ALG9: variants seen among roughly 807,000 people sequenced by gnomAD.
ALG9 encodes alpha-1,2-mannosyltransferase ALG9.
Under a neutral mutation model 81.8 loss-of-function variants are expected in ALG9, and 55 were observed. The observed-to-expected ratio is 0.67, with a 90% CI of 0.54 to 0.84. ALG9 has a LOEUF of 0.84. ALG9 is among the 40% of genes least tolerant of loss of function. The pLI is 0.00. For synonymous variants in ALG9, 278 were observed against 274.3 expected (o/e 1.01, Z -0.13); for missense variants, 629 against 745.0 (o/e 0.84, Z 1.81).
Position 111,792,380 on chromosome 11 carries a change from C to G in ALG9, c.1734-5860G>C, listed in dbSNP as rs558929004. 8.5e-5 allele frequency among the ~76,000 whole-genome samples: 13 copies of G among 152,328 alleles called. 1 individual carries two copies. Among genetic ancestry groups the G allele is most frequent in the Admixed American group, 8.5e-4 (13 of 15,302 alleles). On this transcript the variant is annotated intron_variant, in intron 14 of 14. Coordinates refer to ENST00000616540, the MANE Select transcript of ALG9 (RefSeq NM_024740.2). Reference sequence around the variant, plus strand: ...GGATGAATGGATGGACTGCTGAAGACAGCGAGAGAGGGATATCACACATAT... The same window carrying G: ...GGATGAATGGATGGACTGCTGAAGAGAGCGAGAGAGGGATATCACACATAT...
At chr11:111,799,113 C>T (rs1948724780) in intron 14 of ALG9, among the ~76,000 whole-genome samples, 1 of 152,148 alleles carries the variant, frequency 6.6e-6, no homozygotes, top group Non-Finnish European at 1.5e-5. Flanking sequence ...GTTGCAACTC[C>T]CTGAAGTGGA....
intron 13 of ALG9, among the ~76,000 whole-genome samples, chr11:111,827,757 A>C (rs1953613031): frequency 6.6e-6 from 1 of 151,010 alleles, no homozygotes. Flanking sequence ...AATCCCAGCT[A>C]CTCGGTAGCT....
At chr11:111,851,504 GAGATTCATCA>G (rs1957828627) in intron 8 of ALG9, among the ~76,000 whole-genome samples, 5 of 149,548 alleles carry the variant, frequency 3.3e-5, no homozygotes, top group Non-Finnish European at 5.9e-5. Context: ...AAGAGAGAGA[GAGATTCATCA>G]ATCCAGAGGG....
intron 4 of ALG9, among the ~76,000 whole-genome samples, chr11:111,862,636 G>A (rs1960721765): frequency 6.6e-6 from 1 of 150,624 alleles, no homozygotes; most frequent in Admixed American, 6.6e-5. Context: ...CAATTTACTA[G>A]TTTACTCATC....
intron 14 of ALG9, among the ~76,000 whole-genome samples, chr11:111,794,441 C>T (rs1361840508): frequency 2.0e-5 from 3 of 152,052 alleles, no homozygotes; most frequent in Non-Finnish European, 4.4e-5. Context: ...TGCCACCACA[C>T]CCAGCTAATT....
Position 111,784,065 on chromosome 11 carries a change from G to A in ALG9, c.*2332C>T, listed in dbSNP as rs191957403. The A allele has an allele frequency of 1.3e-4, 20 of 152,338 alleles. No homozygotes were observed. The highest frequency in any genetic ancestry group is 4.6e-4 in the African/African-American group (19 of 41,596). 9.4% of individuals were successfully genotyped at this position (152,338 alleles called of 1,614,324 possible). On this transcript the variant is annotated 3_prime_UTR_variant, in exon 15 of 15. Transcript: ENST00000616540. ...GGAAACATAGAGGGCCTTAGCTACT[G>A]TGAAGAACAGCACATTATTACTGCA... is the stretch of plus-strand genomic sequence containing the variant.
At chr11:111,820,522 G>A (rs1592049253) in intron 13 of ALG9, among the ~76,000 whole-genome samples, 2 of 152,188 alleles carry the variant, frequency 1.3e-5, no homozygotes, top group African/African-American at 4.8e-5. Context: ...GAGGGCAGAT[G>A]TCCCATGACC....
intron 8 of ALG9, among the ~76,000 whole-genome samples, chr11:111,852,960 T>A (rs868909970): frequency 0.013 from 1,620 of 122,656 alleles, 39 homozygotes; most frequent in African/African-American, 0.05. Context: ...AAAAAAAAAA[T>A]GTCTGGGGTA....
At chr11:111,837,686 A>C in intron 11 of ALG9, 71 bp from the exon 12 acceptor site, 1 of 1,538,984 alleles carries the variant, frequency 6.5e-7, no homozygotes, top group Non-Finnish European at 8.9e-7. Context: ...TATACTGCTC[A>C]TTAATGTCGC....
downstream of ALG9, among the ~76,000 whole-genome samples, chr11:111,780,292 C>T (rs181905920): frequency 6.6e-3 from 998 of 152,146 alleles, 7 homozygotes; most frequent in Middle Eastern, 0.054. Flanking sequence ...TAAAGAAGCA[C>T]TTGTATTTCA....
chr11:111,830,330 G>C (rs1954127929), intron 13 of ALG9, among the ~76,000 whole-genome samples: 1 of 152,182 alleles, frequency 6.6e-6, no homozygotes, highest in African/African-American at 2.4e-5. Flanking sequence ...TTGTCCTCCA[G>C]AGCCACAGAC....
Position 111,831,850 on chromosome 11 carries a change from A to C in ALG9, c.1602+4315T>G, listed in dbSNP as rs539613624. ...CTGATATACAGTCAATTCTGTTCTA[A>C]TACTAGTTTCAAAAATGCAAATTTT... On this transcript the variant is annotated intron_variant, in intron 13 of 14. Coordinates refer to ENST00000616540, the MANE Select transcript of ALG9 (RefSeq NM_024740.2). Among the ~76,000 whole-genome samples, 9 of 152,374 alleles carry C rather than the reference A, an allele frequency of 5.9e-5. No individual in the cohort carries two copies. In the East Asian group the frequency reaches 1.7e-3, roughly 29 times the overall value.
chr11:111,864,063 A>G (rs963818659), intron 4 of ALG9, among the ~76,000 whole-genome samples: 3 of 152,226 alleles, frequency 2.0e-5, no homozygotes, highest in African/African-American at 4.8e-5. Context: ...GGGTGCATCA[A>G]AATCTCAGAA....
chr11:111,833,848 C>A (rs1206011548), intron 13 of ALG9, among the ~76,000 whole-genome samples: 4 of 152,198 alleles, frequency 2.6e-5, no homozygotes, highest in Non-Finnish European at 4.4e-5. Flanking sequence ...CACTGTCTGA[C>A]AGCAGAGAAT....
At chr11:111,835,666 T>G (rs782009543) in intron 13 of ALG9, among the ~76,000 whole-genome samples, 1 of 152,212 alleles carries the variant, frequency 6.6e-6, no homozygotes, top group East Asian at 1.9e-4. Context: ...ACATTTTACA[T>G]AGAAAATAAA....
the ALG9 span, among the ~76,000 whole-genome samples, chr11:111,775,324 G>GT: frequency 6.6e-6 from 1 of 152,196 alleles, no homozygotes; most frequent in South Asian, 2.1e-4. Flanking sequence ...AGTCACAGGA[G>GT]TAAGAAGGGA....
At position 111,865,227 on chromosome 11, in the gene ALG9, A is replaced by G; in HGVS notation, c.430T>C (p.Cys144Arg). The stretch of plus-strand genomic sequence containing the variant: ...ATACAGCTCACAAAAGCCAGAAGAC[A>G]TCGCAAAAAGTAAAACACAAGAATC... Reference protein sequence around the residue: ...NKILVFYFLRCLLAFVSCICE... With the variant: ...NKILVFYFLRRLLAFVSCICE... The change falls in exon 4 of 15, where the codon TGT (cysteine) becomes CGT (arginine). Residue 144 changes from cysteine (C) to arginine (R), a missense_variant. Cys to Arg is a radical substitution (Grantham distance 180). Coordinates refer to ENST00000616540, the MANE Select transcript of ALG9 (RefSeq NM_024740.2). The G allele has an allele frequency of 3.9e-6, 6 of 1,553,090 alleles. No individual in the cohort carries two copies. Among genetic ancestry groups the G allele is most frequent in the Non-Finnish European group, 5.2e-6 (6 of 1,147,868 alleles).
chr11:111,823,858 T>G (rs782154212), intron 13 of ALG9, among the ~76,000 whole-genome samples: 3 of 152,206 alleles, frequency 2.0e-5, no homozygotes, highest in Non-Finnish European at 2.9e-5. Context: ...GAGCTTGGAT[T>G]CAATGTCATC....
intron 6 of ALG9, among the ~76,000 whole-genome samples, chr11:111,856,577 G>A (rs976990616): frequency 4.7e-5 from 7 of 150,446 alleles, no homozygotes; most frequent in African/African-American, 9.7e-5. Context: ...TTGAGCTAGC[G>A]GAGAAGAAAA....
Sources: gnomAD v4.1 joint callset for allele counts (sites outside exome capture counted in the v4.1 genomes callset) on GRCh38, gnomAD v4.1.1 for gene constraint, MANE v1.5 for transcripts, NCBI Gene and HGNC (gene_info 2026-07-23, HGNC 2026-07-21) for gene names.